ENOX1: variants seen among roughly 807,000 people sequenced by gnomAD.
ENOX1 encodes candidate growth-related and time keeping constitutive hydroquinone (NADH) oxidase.
Under a neutral mutation model 82.5 loss-of-function variants are expected in ENOX1, and 42 were observed. The ratio of observed to expected loss-of-function variants is 0.51; its 90% CI spans 0.40 to 0.66. ENOX1 has a LOEUF of 0.66. Among genes scored for constraint, ENOX1 ranks in the 30% least tolerant of loss-of-function variants. The pLI is 0.00. For missense variants in ENOX1, 608 were observed against 811.6 expected, an observed-to-expected ratio of 0.75 and a Z score of 3.05; for synonymous variants, 271 against 282.2, an observed-to-expected ratio of 0.96 and a Z score of 0.40.
At chr13:43,312,302 T>G (rs1435228348) in intron 11 of ENOX1, among the ~76,000 whole-genome samples, 1 of 152,148 alleles carries the variant, frequency 6.6e-6, no homozygotes, top group Non-Finnish European at 1.5e-5. Flanking sequence ...TGGAGGCACA[T>G]CTCATAAAGA....
chr13:43,247,850 TA>T (rs60086468), intron 14 of ENOX1, among the ~76,000 whole-genome samples: 30 of 2,188 alleles, frequency 0.014, 3 homozygotes, highest in African/African-American at 0.016. Flanking sequence ...TATATATATA[TA>T]TATATATATA....
In ENOX1 at chr13:43,632,336, C is replaced by T. The variant is rs9533560; in HGVS notation, c.-219+35143G>A. ...TTTCAAAATTAGGACATCATCTCAA[C>T]CTGAAAATCATATATATTCATCAAT... On this transcript the variant is annotated intron_variant, in intron 2 of 16. Transcript: ENST00000690772. Among the ~76,000 whole-genome samples the T allele has an allele frequency of 1.0e-3, 159 of 151,552 alleles. 1 individual carries two copies. The highest frequency in any genetic ancestry group is 2.0e-3 in the Non-Finnish European group (135 of 67,916).
At chr13:43,705,990 A>T (rs2087256909) in intron 1 of ENOX1, among the ~76,000 whole-genome samples, 1 of 152,122 alleles carries the variant, frequency 6.6e-6, no homozygotes, top group South Asian at 2.1e-4. Flanking sequence ...GTATTTAATA[A>T]GATATCAATA....
chr13:43,610,568 C>T (rs947496230), intron 2 of ENOX1, among the ~76,000 whole-genome samples: 1 of 152,144 alleles, frequency 6.6e-6, no homozygotes, highest in African/African-American at 2.4e-5. Context: ...ACTAAATGAA[C>T]ATATCACTTT....
At chr13:43,361,019 A>G (rs867544413) in intron 6 of ENOX1, among the ~76,000 whole-genome samples, 2 of 152,322 alleles carry the variant, frequency 1.3e-5, no homozygotes, top group African/African-American at 2.4e-5. Flanking sequence ...GCTTCACTGC[A>G]TGCAAAAAGT....
chr13:43,773,124 CTCT>C (rs1363523076), intron 1 of ENOX1, among the ~76,000 whole-genome samples: 1 of 152,186 alleles, frequency 6.6e-6, no homozygotes, highest in Non-Finnish European at 1.5e-5. Flanking sequence ...CAAATTAGTT[CTCT>C]TGTTTCTAGT....
At chr13:43,781,349 T>C (rs985225265) in intron 1 of ENOX1, among the ~76,000 whole-genome samples, 5 of 152,170 alleles carry the variant, frequency 3.3e-5, no homozygotes, top group African/African-American at 2.4e-5. Context: ...CCGGGCACTG[T>C]TCTCAGTGCT....
At chr13:43,350,660 G>C (rs2085756791) in intron 8 of ENOX1, among the ~76,000 whole-genome samples, 1 of 152,122 alleles carries the variant, frequency 6.6e-6, no homozygotes, top group Non-Finnish European at 1.5e-5. Context: ...GGTCAGGCTG[G>C]TCTCGAACTC....
At chr13:43,517,537 T>A (rs1427404545) in intron 2 of ENOX1, among the ~76,000 whole-genome samples, 2 of 152,068 alleles carry the variant, frequency 1.3e-5, no homozygotes, top group Non-Finnish European at 2.9e-5. Context: ...TCTACAAGTT[T>A]CATGTGAAAT....
At chr13:43,776,823 G>A (rs868712466) in intron 1 of ENOX1, among the ~76,000 whole-genome samples, 4,882 of 139,928 alleles carry the variant, frequency 0.035, 106 homozygotes, top group Non-Finnish European at 0.051. Context: ...CACAGCTAGG[G>A]AAAAAAAAAA....
At chr13:43,255,898 C>T (rs540646641) in intron 14 of ENOX1, among the ~76,000 whole-genome samples, 81 of 152,188 alleles carry the variant, frequency 5.3e-4, no homozygotes, top group African/African-American at 1.9e-3. Flanking sequence ...TGACATTCTT[C>T]ATAGAAACAG....
chr13:43,638,422 A>T (rs958278329), intron 2 of ENOX1, among the ~76,000 whole-genome samples: 2 of 151,478 alleles, frequency 1.3e-5, no homozygotes, highest in East Asian at 3.9e-4. Flanking sequence ...TTTTCCGAAA[A>T]CTGTAATATT....
chr13:43,271,534 G>A (rs898371647), intron 12 of ENOX1, among the ~76,000 whole-genome samples: 2 of 151,810 alleles, frequency 1.3e-5, no homozygotes, highest in African/African-American at 4.8e-5. Flanking sequence ...ATTTAAGATC[G>A]GGGAAGAACA....
rs1393560568 is a variant in ENOX1 at position 43,360,420 on chromosome 13, C to T, written c.383-363G>A. Among the ~76,000 whole-genome samples the T allele has an allele frequency of 2.0e-5, 3 of 152,070 alleles. No homozygotes were observed. In the East Asian group the frequency reaches 5.8e-4, roughly 29 times the overall value. ...ATGACAACATGATGAAAAACCTCAG[C>T]GTGTTATCTGCTTTGTCTTGTTTCC... On this transcript the variant is annotated intron_variant, in intron 6 of 16. Coordinates refer to ENST00000690772, the MANE Select transcript of ENOX1 (RefSeq NM_001347969.2).
intron 1 of ENOX1, among the ~76,000 whole-genome samples, chr13:43,705,254 C>G (rs2087179827): frequency 6.6e-6 from 1 of 150,504 alleles, no homozygotes; most frequent in Non-Finnish European, 1.5e-5. Context: ...CCACTGCACT[C>G]CAGCCTGAGT....
At chr13:43,680,398 G>A (rs1373442527) in intron 1 of ENOX1, among the ~76,000 whole-genome samples, 1 of 152,164 alleles carries the variant, frequency 6.6e-6, no homozygotes, top group Non-Finnish European at 1.5e-5. Flanking sequence ...TTCCAGATAG[G>A]ATGGTGTTCC....
intron 2 of ENOX1, among the ~76,000 whole-genome samples, chr13:43,619,899 G>A (rs758759883): frequency 1.3e-5 from 2 of 151,870 alleles, no homozygotes; most frequent in Non-Finnish European, 1.5e-5. Context: ...TTTTGTTGTT[G>A]GTAATCTTTT....
chr13:43,566,638 G>GA (rs1041477340), intron 2 of ENOX1, among the ~76,000 whole-genome samples: 91 of 151,364 alleles, frequency 6.0e-4, no homozygotes, highest in African/African-American at 2.1e-3. Context: ...AATTATTTCT[G>GA]AAAAAAATAG....
At chr13:43,515,127 C>A (rs552550657) in intron 2 of ENOX1, among the ~76,000 whole-genome samples, 39 of 152,228 alleles carry the variant, frequency 2.6e-4, no homozygotes, top group African/African-American at 9.4e-4. Flanking sequence ...AACCAGTACA[C>A]GGCAGAGGTG....
Sources: allele counts gnomAD v4.1 joint callset (sites outside exome capture counted in the v4.1 genomes callset), GRCh38; gene constraint gnomAD v4.1.1; transcripts MANE v1.5; gene names NCBI Gene and HGNC (gene_info 2026-07-23, HGNC 2026-07-21).